Variants in ASAP1 observed in about 807,000 individuals in gnomAD.
ASAP1 encodes arf-GAP with SH3 domain, ANK repeat and PH domain-containing protein 1.
Under a neutral mutation model 145.2 loss-of-function variants are expected in ASAP1, and 43 were observed. That is an observed-to-expected ratio of 0.30 (90% CI 0.23 to 0.38). The LOEUF is 0.38. Ranked by LOEUF, ASAP1 falls within the 10% of genes least tolerant of loss-of-function variation. ASAP1 has a pLI of 1.00. For synonymous variants in ASAP1, 546 were observed against 515.5 expected (o/e 1.06, Z -0.80); for missense variants, 1,018 against 1,355.3 (o/e 0.75, Z 3.91).
chr8:130,366,886 CT>C (rs905755447), intron 2 of ASAP1, among the ~76,000 whole-genome samples: 1,657 of 99,168 alleles, frequency 0.017, 14 homozygotes, highest in East Asian at 0.042. Flanking sequence ...TGCTAGATTC[CT>C]TTTTTTTTTT....
chr8:130,061,339 A>G (rs974193176), intron 27 of ASAP1, among the ~76,000 whole-genome samples: 1 of 152,204 alleles, frequency 6.6e-6, no homozygotes. Context: ...ATAGAAACAG[A>G]TTGCAGAGAA....
At chr8:130,142,408 C>A (rs2097614132) in intron 13 of ASAP1, among the ~76,000 whole-genome samples, 1 of 152,190 alleles carries the variant, frequency 6.6e-6, no homozygotes, top group Non-Finnish European at 1.5e-5. Context: ...CCTCTAAGTA[C>A]TTACTTTCAT....
intron 2 of ASAP1, among the ~76,000 whole-genome samples, chr8:130,397,110 T>C (rs907205425): frequency 2.0e-5 from 3 of 152,138 alleles, no homozygotes; most frequent in Admixed American, 2.0e-4. Flanking sequence ...ATTTTATTCA[T>C]TCATTCATTC....
chr8:130,092,326 TA>T (rs112840994), intron 24 of ASAP1, among the ~76,000 whole-genome samples, 183 bp from the exon 25 acceptor site: 2 of 149,780 alleles, frequency 1.3e-5, no homozygotes, highest in African/African-American at 2.5e-5. Context: ...AAAATTTGGT[TA>T]AAAAAAAAAT....
chr8:130,163,097 T>G (rs1053899083), intron 11 of ASAP1: 10 of 168,112 alleles, frequency 5.9e-5, no homozygotes, highest in Admixed American at 5.8e-4. Flanking sequence ...CTTTCACGCC[T>G]TTCCTCTATC....
intron 3 of ASAP1, among the ~76,000 whole-genome samples, chr8:130,261,514 G>A (rs1010969304): frequency 6.6e-6 from 1 of 152,162 alleles, no homozygotes; most frequent in Non-Finnish European, 1.5e-5. Context: ...GGTGATGAGT[G>A]AGCAAGTGGC....
intron 3 of ASAP1, among the ~76,000 whole-genome samples, chr8:130,286,407 T>C (rs1565173026): frequency 6.6e-6 from 1 of 152,222 alleles, no homozygotes; most frequent in Non-Finnish European, 1.5e-5. Context: ...GTCCATCACT[T>C]ACTTTGATAT....
intron 29 of ASAP1, among the ~76,000 whole-genome samples, chr8:130,057,590 A>T (rs1247024610): frequency 6.6e-6 from 1 of 152,118 alleles, no homozygotes; most frequent in Non-Finnish European, 1.5e-5. Context: ...CTGGGACTAC[A>T]GGTGCGTGCC....
intron 11 of ASAP1, among the ~76,000 whole-genome samples, chr8:130,167,198 G>C (rs1370111845): frequency 6.6e-6 from 1 of 152,020 alleles, no homozygotes; most frequent in Non-Finnish European, 1.5e-5. Context: ...CAGCTACCTG[G>C]GAGGCTGAGG....
At chr8:130,158,714 A>C (rs2097662958) in intron 12 of ASAP1, among the ~76,000 whole-genome samples, 1 of 152,068 alleles carries the variant, frequency 6.6e-6, no homozygotes, top group African/African-American at 2.4e-5. Flanking sequence ...GGAGTATTTT[A>C]AGCAGGCGAA....
intron 3 of ASAP1, among the ~76,000 whole-genome samples, chr8:130,316,479 T>G (rs938671273): frequency 6.6e-6 from 1 of 152,232 alleles, no homozygotes; most frequent in African/African-American, 2.4e-5. Flanking sequence ...CCAGAATATT[T>G]TGAAAATACA....
chr8:130,133,963 C>T (rs868229603), intron 15 of ASAP1, among the ~76,000 whole-genome samples: 1 of 152,164 alleles, frequency 6.6e-6, no homozygotes, highest in Admixed American at 6.5e-5. Context: ...TCCTTGCCCT[C>T]GAAAAGCTCT....
In ASAP1 at chr8:130,297,222, A is replaced by C. The variant is rs559363440; in HGVS notation, c.187-60228T>G. Reference sequence around the variant, plus strand: ...TCTGAAGTCTAATTGTGGTTGTCCCACTGCCTGTGGGAGATTAGTTCGTCT... The same window carrying C: ...TCTGAAGTCTAATTGTGGTTGTCCCCCTGCCTGTGGGAGATTAGTTCGTCT... On this transcript the variant is annotated intron_variant, in intron 3 of 29. Transcript: ENST00000518721. 6.6e-5 allele frequency among the ~76,000 whole-genome samples: 10 copies of C among 152,306 alleles called. No individual in the cohort carries two copies. In the South Asian group the frequency reaches 2.1e-3, roughly 32 times the overall value.
chr8:130,123,343 T>C (rs1444005221), intron 18 of ASAP1, among the ~76,000 whole-genome samples: 4 of 152,206 alleles, frequency 2.6e-5, no homozygotes, highest in African/African-American at 7.2e-5. Context: ...AGTGGGTTTT[T>C]AAGCATTTGG....
At chr8:130,076,290 C>G in intron 27 of ASAP1, 58 bp downstream of exon 27, 1 of 1,345,484 alleles carries the variant, frequency 7.4e-7, no homozygotes, top group South Asian at 1.3e-5. Context: ...ACCTTGGGCC[C>G]CTTGGAGGGG....
intron 27 of ASAP1, among the ~76,000 whole-genome samples, chr8:130,062,420 T>C (rs937523301): frequency 2.0e-5 from 3 of 152,228 alleles, no homozygotes; most frequent in African/African-American, 7.2e-5. Flanking sequence ...GGCACCCTGC[T>C]CACAGGCTGG....
chr8:130,349,396 C>T (rs771685193), intron 3 of ASAP1, among the ~76,000 whole-genome samples: 2 of 152,132 alleles, frequency 1.3e-5, no homozygotes, highest in Non-Finnish European at 2.9e-5. Flanking sequence ...TGCAATAATA[C>T]AATAATACAG....
At chr8:130,118,902 G>A (rs74896277) in intron 18 of ASAP1, 5,480 of 261,418 alleles carry the variant, frequency 0.021, 75 homozygotes, top group Middle Eastern at 0.078. Flanking sequence ...CAAAGTAAAC[G>A]GGCACATAAA....
At chr8:130,269,700 T>A (rs140986607) in intron 3 of ASAP1, among the ~76,000 whole-genome samples, 1 of 152,190 alleles carries the variant, frequency 6.6e-6, no homozygotes, top group South Asian at 2.1e-4. Flanking sequence ...CTGGGAAAGT[T>A]GAAAGGTACG....
Sources: gnomAD v4.1 joint callset for allele counts (sites outside exome capture counted in the v4.1 genomes callset) on GRCh38, gnomAD v4.1.1 for gene constraint, MANE v1.5 for transcripts, NCBI Gene and HGNC (gene_info 2026-07-23, HGNC 2026-07-21) for gene names.